Variants in SYNE2 observed in about 807,000 individuals in gnomAD.
The protein encoded by SYNE2 is nesprin-2.
A neutral mutation model predicts 856.3 loss-of-function variants in SYNE2; 431 were observed. The ratio of observed to expected loss-of-function variants is 0.50; its 90% CI spans 0.47 to 0.55. SYNE2 has a LOEUF of 0.55. Among genes scored for constraint, SYNE2 ranks in the 20% least tolerant of loss-of-function variants. The probability of loss-of-function intolerance (pLI) is 0.00; values close to 1 mark genes in which losing one functional copy is unlikely to be tolerated. For synonymous variants in SYNE2, 2,923 were observed against 2,872.3 expected (o/e 1.02, Z -0.56); for missense variants, 8,129 against 8,023.2 (o/e 1.01, Z -0.50).
rs576318603 is a variant in SYNE2 at position 63,985,149 on chromosome 14, G to A, written c.2151+1263G>A. Among the ~76,000 whole-genome samples the A allele has an allele frequency of 5.3e-5, 8 of 152,162 alleles. No homozygotes were observed. In the South Asian group the frequency reaches 1.7e-3, roughly 32 times the overall value. ...GTTTGAGACCAGCCTGGCCAACGTGGTGAAACCCCGTATTTACTAAAAATA... is the reference window on the plus strand; with the variant it reads ...GTTTGAGACCAGCCTGGCCAACGTGATGAAACCCCGTATTTACTAAAAATA... On this transcript the variant is annotated intron_variant, in intron 18 of 115. Transcript: ENST00000555002.
intron 66 of SYNE2, among the ~76,000 whole-genome samples, chr14:64,114,910 A>G (rs1212417299): frequency 6.6e-6 from 1 of 152,170 alleles, no homozygotes; most frequent in African/African-American, 2.4e-5. Flanking sequence ...GTGAGCTATC[A>G]TGCCCAGCCC....
intron 58 of SYNE2, 146 bp downstream of exon 58, chr14:64,088,002 G>T: frequency 1.2e-6 from 1 of 814,428 alleles, no homozygotes; most frequent in East Asian, 2.8e-5. Flanking sequence ...GGCCAACATG[G>T]TGAAACCCTG....
chr14:64,081,689 C>G (rs576577057), intron 57 of SYNE2, 109 bp downstream of exon 57: 1 of 1,264,904 alleles, frequency 7.9e-7, no homozygotes, highest in Non-Finnish European at 1.1e-6. Context: ...ACAACCTTAC[C>G]GCTAACCATG....
chr14:63,961,176 C>T (rs2096308559), intron 8 of SYNE2, among the ~76,000 whole-genome samples: 1 of 152,216 alleles, frequency 6.6e-6, no homozygotes, highest in South Asian at 2.1e-4. Context: ...GGAATTTCTG[C>T]ACTATGTGTC....
At chr14:64,165,467 A>C in intron 90 of SYNE2, 57 bp downstream of exon 90, 2 of 1,578,036 alleles carry the variant, frequency 1.3e-6, no homozygotes, top group Non-Finnish European at 1.7e-6. Flanking sequence ...GTTAAAAAAA[A>C]TAAGCTGATT....
chr14:64,065,353 C>G (rs1396383495), intron 50 of SYNE2, 79 bp from the exon 51 acceptor site: 1 of 1,223,404 alleles, frequency 8.2e-7, no homozygotes, highest in Non-Finnish European at 1.2e-6. Flanking sequence ...ATTAATTGTT[C>G]AGGATTTAAA....
intron 65 of SYNE2, among the ~76,000 whole-genome samples, chr14:64,109,475 G>GT (rs2097791549): frequency 6.6e-6 from 1 of 152,170 alleles, no homozygotes; most frequent in Non-Finnish European, 1.5e-5. Flanking sequence ...CATTTAGCTA[G>GT]TAAGTGGCAA....
chr14:63,918,342 T>G (rs192162694), intron 2 of SYNE2, among the ~76,000 whole-genome samples: 50 of 152,368 alleles, frequency 3.3e-4, no homozygotes, highest in African/African-American at 1.2e-3. Context: ...CATTGGTGAT[T>G]ATAGTTTCCT....
chr14:63,830,362 C>CA (rs1192832065), intron 1 of SYNE2, among the ~76,000 whole-genome samples: 1 of 150,604 alleles, frequency 6.6e-6, no homozygotes, highest in Non-Finnish European at 1.5e-5. Flanking sequence ...TTGTATACTT[C>CA]AAAAAAATTA....
At position 64,065,447 on chromosome 14, in the gene SYNE2, C is replaced by T. The variant is rs1389806410; in HGVS notation, c.10228C>T (p.Leu3410Phe). 1 of 1,614,026 alleles carries T rather than the reference C, an allele frequency of 6.2e-7. No individual in the cohort carries two copies. The highest frequency in any genetic ancestry group is 2.2e-5 in the East Asian group (1 of 44,886). ...LEQSKALVSN[L>F]ISTKEELMKL... ...CTTTCTTAAGGCCTTGGTGTCAAAT[C>T]TTATATCAACCAAAGAAGAGTTAAT... Residue 3410 changes from leucine (L) to phenylalanine (F), a missense_variant, in exon 51 of 116, where the codon CTT becomes TTT. This residue lies in a region of SYNE2 where 5,410 missense variants were observed against 5,284.8 expected (regional missense o/e 1.02). Coordinates refer to ENST00000555002, the MANE Select transcript of SYNE2 (RefSeq NM_182914.3).
Position 64,091,062 on chromosome 14 carries a change from G to C in SYNE2, c.11976+14G>C. 1 of 1,612,512 alleles carries C rather than the reference G, an allele frequency of 6.2e-7. No individual in the cohort carries two copies. Among genetic ancestry groups the C allele is most frequent in the East Asian group, 2.2e-5 (1 of 44,858 alleles). ...GAGTTATTAAAGGTAAGCAGTTTCT[G>C]ATGACATCCAACTTACTGGATGAAA... On this transcript the variant is annotated intron_variant, in intron 60 of 115. Transcript: ENST00000555002.
intron 9 of SYNE2, 57 bp from the exon 10 acceptor site, chr14:63,963,842 G>A: frequency 7.9e-7 from 1 of 1,258,570 alleles, no homozygotes; most frequent in African/African-American, 1.5e-5. Flanking sequence ...TAATTTTTTT[G>A]TTAAAAAAAC....
At chr14:63,916,090 A>G (rs1232490984) in intron 2 of SYNE2, among the ~76,000 whole-genome samples, 1 of 152,182 alleles carries the variant, frequency 6.6e-6, no homozygotes, top group Non-Finnish European at 1.5e-5. Context: ...GTCATGTGGA[A>G]GTGAAAAAAT....
chr14:63,996,903 TAA>T, intron 23 of SYNE2, 42 bp from the exon 24 acceptor site: 3 of 1,581,804 alleles, frequency 1.9e-6, no homozygotes, highest in Non-Finnish European at 2.6e-6. Context: ...AATAATCATG[TAA>T]ACTCACCAGA....
chr14:63,818,533 T>G (rs1889094181), intron 1 of SYNE2, among the ~76,000 whole-genome samples: 2 of 151,716 alleles, frequency 1.3e-5, no homozygotes, highest in Non-Finnish European at 1.5e-5. Context: ...TATAAATAAA[T>G]AAGTAAACGT....
rs566372419 is a variant in SYNE2 at position 63,948,063 on chromosome 14, T to C, written c.409-1762T>C. Among the ~76,000 whole-genome samples, 118 of 152,206 alleles carry C rather than the reference T, an allele frequency of 7.8e-4. 2 individuals are homozygous for C. Among genetic ancestry groups the C allele is most frequent in the South Asian group, 2.3e-3 (11 of 4,830 alleles). On this transcript the variant is annotated intron_variant, in intron 6 of 115. Transcript: ENST00000555002. ...TTGTCCAACTTATTCTTTAAGAAAG[T>C]CTTCATTATTATTTGCTTTTTGCAT...
chr14:64,071,009 G>A, intron 52 of SYNE2, 99 bp downstream of exon 52: 1 of 1,247,342 alleles, frequency 8.0e-7, no homozygotes, highest in South Asian at 1.3e-5. Context: ...TGATACAATA[G>A]AATTGAGGTG....
At chr14:63,905,370 G>A (rs1343608161) in intron 1 of SYNE2, among the ~76,000 whole-genome samples, 2 of 152,070 alleles carry the variant, frequency 1.3e-5, no homozygotes, top group Non-Finnish European at 2.9e-5. Context: ...GATAGCAATG[G>A]CATTGAATTT....
At chr14:64,219,634 A>G (rs1223140446) in intron 110 of SYNE2, among the ~76,000 whole-genome samples, 2 of 152,158 alleles carry the variant, frequency 1.3e-5, no homozygotes, top group African/African-American at 2.4e-5. Flanking sequence ...ATCCCAGAGT[A>G]CTGGGGAGGT....
Sources: gnomAD v4.1 joint callset for allele counts (sites outside exome capture counted in the v4.1 genomes callset) on GRCh38, gnomAD v4.1.1 for gene constraint, gnomAD v4.1.1 regional missense constraint, MANE v1.5 for transcripts, NCBI Gene and HGNC (gene_info 2026-07-23, HGNC 2026-07-21) for gene names.